Variants in PLCG2 observed in about 807,000 individuals in gnomAD.
PLCG2 encodes the protein 1-phosphatidylinositol 4,5-bisphosphate phosphodiesterase gamma-2.
Under a neutral mutation model 175.6 loss-of-function variants are expected in PLCG2, and 69 were observed. The observed-to-expected ratio is 0.39, with a 90% confidence interval of 0.32 to 0.48. The LOEUF (loss-of-function observed/expected upper bound fraction) is 0.48, where lower values mean the gene tolerates loss of function less well. Among genes scored for constraint, PLCG2 ranks in the 20% least tolerant of loss-of-function variants. The pLI, the probability that PLCG2 is intolerant of heterozygous loss-of-function variation, is 0.91. For missense variants in PLCG2, 1,798 were observed against 1,650.9 expected (o/e 1.09, Z -1.54); for synonymous variants, 827 against 624.0 (o/e 1.33, Z -4.85).
intron 2 of PLCG2, among the ~76,000 whole-genome samples, chr16:81,799,285 C>G (rs1370404200): frequency 1.3e-5 from 2 of 151,676 alleles, no homozygotes; most frequent in African/African-American, 4.8e-5. Flanking sequence ...CCTTCCAAAT[C>G]TTTTTGTCCA....
intron 2 of PLCG2, among the ~76,000 whole-genome samples, chr16:81,841,447 G>C (rs1392053185): frequency 6.6e-6 from 1 of 151,962 alleles, no homozygotes; most frequent in Non-Finnish European, 1.5e-5. Flanking sequence ...CACTATGTTG[G>C]CCAGGCTGGT....
rs1304571669 is a variant in PLCG2, at chr16:81,804,198, TC to T, written c.193+18018del. Among the ~76,000 whole-genome samples the T allele has an allele frequency of 1.9e-4, 29 of 152,224 alleles. 1 individual carries two copies. The highest frequency in any genetic ancestry group is 2.9e-5 in the Non-Finnish European group (2 of 68,038). ...GTATGAGGGCTCCAACTTCCCCATG[TC>T]CTCGCCAACACATGTTAGTATCTGT... On this transcript the variant is annotated intron_variant, in intron 2 of 32. Transcript: ENST00000564138.
intron 2 of PLCG2, among the ~76,000 whole-genome samples, chr16:81,790,086 C>T (rs1911164132): frequency 6.6e-6 from 1 of 152,184 alleles, no homozygotes; most frequent in Non-Finnish European, 1.5e-5. Flanking sequence ...CTGGAAATAA[C>T]ATTGGTGTCT....
At chr16:81,901,541 C>T (rs73596857) in intron 14 of PLCG2, among the ~76,000 whole-genome samples, 6,459 of 152,162 alleles carry the variant, frequency 0.042, 442 homozygotes, top group African/African-American at 0.15. Context: ...CACAGACCCC[C>T]GAAGAATCCA....
rs145766797 is a variant in PLCG2 at position 81,880,260 on chromosome 16, A to G, written c.649-650A>G. Among the ~76,000 whole-genome samples the G allele has an allele frequency of 2.0e-3, 312 of 152,324 alleles. 3 individuals are homozygous for G. Among genetic ancestry groups the G allele is most frequent in the African/African-American group, 7.3e-3 (303 of 41,564 alleles). ...TCTCTAAAGAAACCTGGCAGTGAGG[A>G]TATAGAAAAAGGTATGTGTACCCCA... On this transcript the variant is annotated intron_variant, in intron 7 of 32. Coordinates refer to ENST00000564138, the MANE Select transcript of PLCG2 (RefSeq NM_002661.5).
chr16:81,869,198 T>A lies in PLCG2; in HGVS notation c.480-16T>A. 6.2e-7 allele frequency: 1 copy of A among 1,607,870 alleles called. No homozygotes were observed. Among genetic ancestry groups the A allele is most frequent in the Non-Finnish European group, 8.5e-7 (1 of 1,174,322 alleles). ...AAACCCTCAAGGTGACAGAACTGGG[T>A]CTCCCTCTTTTGCAGCATCAGTCTC... is the stretch of plus-strand genomic sequence containing the variant. On this transcript the variant is annotated splice_polypyrimidine_tract_variant and intron_variant, in intron 5 of 32. Coordinates refer to ENST00000564138, the MANE Select transcript of PLCG2 (RefSeq NM_002661.5).
intron 2 of PLCG2, among the ~76,000 whole-genome samples, chr16:81,809,345 C>T (rs932771556): frequency 3.3e-5 from 5 of 152,184 alleles, no homozygotes; most frequent in South Asian, 4.1e-4. Flanking sequence ...CAGATCAATA[C>T]CCCAGCTCCC....
At chr16:81,890,691 A>G (rs1195745426) in intron 10 of PLCG2, among the ~76,000 whole-genome samples, 3 of 152,160 alleles carry the variant, frequency 2.0e-5, no homozygotes, top group Non-Finnish European at 2.9e-5. Context: ...ACTGACCCAT[A>G]TGAGGTCGTT....
chr16:81,813,113 C>T (rs568384445), intron 2 of PLCG2, among the ~76,000 whole-genome samples: 2 of 152,282 alleles, frequency 1.3e-5, no homozygotes, highest in Admixed American at 6.5e-5. Context: ...TAGCATGATG[C>T]CTGCAGCTTG....
At chr16:81,854,679 C>A in intron 3 of PLCG2, 92 bp downstream of exon 3, 1 of 1,134,400 alleles carries the variant, frequency 8.8e-7, no homozygotes, top group Non-Finnish European at 1.3e-6. Flanking sequence ...CCCCTGCCTG[C>A]TCACTGATGT....
intron 2 of PLCG2, among the ~76,000 whole-genome samples, chr16:81,835,468 A>T (rs1210721485): frequency 6.6e-6 from 1 of 152,018 alleles, no homozygotes; most frequent in Non-Finnish European, 1.5e-5. Flanking sequence ...TGGTGACACT[A>T]CTTGGGAGGC....
At chr16:81,894,401 C>T (rs955434959) in intron 12 of PLCG2, among the ~76,000 whole-genome samples, 1 of 152,176 alleles carries the variant, frequency 6.6e-6, no homozygotes, top group African/African-American at 2.4e-5. Context: ...TGCACTCTAG[C>T]CTGGGCAACA....
intron 2 of PLCG2, among the ~76,000 whole-genome samples, chr16:81,808,957 G>A (rs187809913): frequency 2.0e-5 from 3 of 152,326 alleles, no homozygotes; most frequent in African/African-American, 7.2e-5. Flanking sequence ...CCTGATGAAG[G>A]TTGCTGCCTG....
intron 2 of PLCG2, among the ~76,000 whole-genome samples, chr16:81,824,821 A>G (rs1330977449): frequency 6.6e-6 from 1 of 152,208 alleles, no homozygotes; most frequent in Non-Finnish European, 1.5e-5. Context: ...GATATGTTAC[A>G]TTATGTGGCA....
At chr16:81,810,640 C>CT (rs1177879946) in intron 2 of PLCG2, among the ~76,000 whole-genome samples, 6 of 51,430 alleles carry the variant, frequency 1.2e-4, no homozygotes, top group African/African-American at 2.4e-4. Context: ...TCTGCAATTT[C>CT]TTTCTTTTTA....
intron 2 of PLCG2, among the ~76,000 whole-genome samples, chr16:81,807,814 C>T (rs556553865): frequency 1.3e-5 from 2 of 152,232 alleles, no homozygotes; most frequent in African/African-American, 2.4e-5. Flanking sequence ...GCGGGGCTGG[C>T]ATGTGACATG....
rs562711746 is a variant in PLCG2, at chr16:81,796,222, G to C, written c.193+10040G>C. ...TTAGACAGCCTCATCTGCCCTCTTG[G>C]GTTTCTCTCACAGATGTGGCCCTCC... On this transcript the variant is annotated intron_variant, in intron 2 of 32. Transcript: ENST00000564138. Among the ~76,000 whole-genome samples the C allele has an allele frequency of 2.6e-5, 4 of 152,308 alleles. No individual in the cohort carries two copies. In the South Asian group the frequency reaches 6.2e-4, roughly 24 times the overall value.
At chr16:81,743,334 G>A (rs1344684024) in intron 1 of PLCG2, among the ~76,000 whole-genome samples, 5 of 152,210 alleles carry the variant, frequency 3.3e-5, no homozygotes, top group African/African-American at 1.2e-4. Context: ...CTGGATGACA[G>A]AGACAGACCC....
At chr16:81,878,656 T>C (rs1481896040) in intron 7 of PLCG2, among the ~76,000 whole-genome samples, 1 of 152,192 alleles carries the variant, frequency 6.6e-6, no homozygotes, top group African/African-American at 2.4e-5. Flanking sequence ...CACTTCATCT[T>C]GGCACGTCAG....
Sources: allele counts gnomAD v4.1 joint callset (sites outside exome capture counted in the v4.1 genomes callset), GRCh38; gene constraint gnomAD v4.1.1; transcripts MANE v1.5; gene names NCBI Gene and HGNC (gene_info 2026-07-23, HGNC 2026-07-21).